Variants in SOX6 observed in about 807,000 individuals in gnomAD.
SOX6 encodes the protein SRY-box transcription factor 6.
Under a neutral mutation model 97.8 loss-of-function variants are expected in SOX6, and 11 were observed. That is an observed-to-expected ratio of 0.11 (90% CI 0.07 to 0.19). The LOEUF is 0.19. SOX6 is among the 10% of genes least tolerant of loss of function. The pLI, the probability that SOX6 is intolerant of heterozygous loss-of-function variation, is 1.00. For synonymous variants in SOX6, 360 were observed against 371.4 expected (o/e 0.97, Z 0.35); for missense variants, 810 against 1,039.5 (o/e 0.78, Z 3.04).
intron 3 of SOX6, among the ~76,000 whole-genome samples, chr11:16,669,968 G>A (rs1340091075): frequency 6.6e-6 from 1 of 151,980 alleles, no homozygotes; most frequent in Non-Finnish European, 1.5e-5. Flanking sequence ...AGGAACAAAG[G>A]GCTGAGTCAT....
At chr11:16,280,925 TA>T (rs775642448) in intron 3 of SOX6, among the ~76,000 whole-genome samples, 124 of 152,204 alleles carry the variant, frequency 8.1e-4, no homozygotes, top group Non-Finnish European at 1.4e-3. Context: ...TACATATTGA[TA>T]GAAACCAAAT....
At chr11:16,593,862 A>G (rs1024259309) in intron 4 of SOX6, among the ~76,000 whole-genome samples, 2 of 152,200 alleles carry the variant, frequency 1.3e-5, no homozygotes, top group Non-Finnish European at 2.9e-5. Flanking sequence ...CAAAAGCCCA[A>G]GCTCTTAACA....
At position 16,328,219 on chromosome 11, in the gene SOX6, T is replaced by A. The variant is rs374371230; in HGVS notation, c.238-9566A>T. ...GCCCAAACCCTAAAATAGGTCCAAA[T>A]ATAACACTCTCTTCCTAAGACGTTC... On this transcript the variant is annotated intron_variant, in intron 2 of 15. Coordinates refer to ENST00000683767, the MANE Select transcript of SOX6 (RefSeq NM_001367873.1). 2.4e-4 allele frequency among the ~76,000 whole-genome samples: 37 copies of A among 152,236 alleles called. No individual in the cohort carries two copies. In the South Asian group the frequency reaches 7.5e-3, roughly 31 times the overall value.
intron 3 of SOX6, among the ~76,000 whole-genome samples, chr11:16,656,183 T>C (rs1393146824): frequency 6.6e-6 from 1 of 152,098 alleles, no homozygotes; most frequent in Admixed American, 6.5e-5. Context: ...GGTTCAGCAA[T>C]TCTCCTGCCT....
At chr11:16,098,313 C>G (rs908042596) in intron 7 of SOX6, among the ~76,000 whole-genome samples, 3 of 151,746 alleles carry the variant, frequency 2.0e-5, no homozygotes, top group African/African-American at 7.3e-5. Context: ...GATCCTAGTA[C>G]AGAATCATGC....
chr11:16,588,868 T>A (rs569295838), intron 4 of SOX6, among the ~76,000 whole-genome samples: 1 of 152,128 alleles, frequency 6.6e-6, no homozygotes, highest in South Asian at 2.1e-4. Context: ...GTCTCTTTTT[T>A]AAAAATTAAA....
At chr11:16,547,751 T>A (rs968247313) in intron 4 of SOX6, among the ~76,000 whole-genome samples, 17 of 152,134 alleles carry the variant, frequency 1.1e-4, no homozygotes, top group African/African-American at 4.1e-4. Flanking sequence ...CAACAATGTA[T>A]TGTTTATGTC....
At chr11:16,518,343 C>G (rs1341990688) in intron 4 of SOX6, among the ~76,000 whole-genome samples, 1 of 152,192 alleles carries the variant, frequency 6.6e-6, no homozygotes, top group Non-Finnish European at 1.5e-5. Context: ...AATGCTACTT[C>G]CTCCACGAAG....
At chr11:16,587,825 A>G (rs1460131816) in intron 4 of SOX6, among the ~76,000 whole-genome samples, 1 of 152,190 alleles carries the variant, frequency 6.6e-6, no homozygotes, top group Non-Finnish European at 1.5e-5. Context: ...GACAGAAACC[A>G]TACTCAAAAA....
At chr11:16,585,680 A>ATTTT (rs1491374591) in intron 4 of SOX6, among the ~76,000 whole-genome samples, 2 of 91,032 alleles carry the variant, frequency 2.2e-5, no homozygotes, top group Non-Finnish European at 4.5e-5. Context: ...TTTTTTTTTT[A>ATTTT]CTTTTTTTTT....
intron 4 of SOX6, among the ~76,000 whole-genome samples, chr11:16,232,667 T>G (rs1286118363): frequency 6.6e-6 from 1 of 152,074 alleles, no homozygotes. Context: ...AAAATGTTAG[T>G]TTTCACATTA....
intron 6 of SOX6, among the ~76,000 whole-genome samples, chr11:16,170,898 C>A (rs1320828184): frequency 6.6e-6 from 1 of 151,934 alleles, no homozygotes; most frequent in Non-Finnish European, 1.5e-5. Context: ...ATTTCTCCCC[C>A]TACGGAAAAA....
upstream of SOX6, among the ~76,000 whole-genome samples, chr11:16,360,051 T>C (rs1408482663): frequency 1.3e-5 from 2 of 152,218 alleles, no homozygotes; most frequent in Admixed American, 1.3e-4. Context: ...ATACTTCTAA[T>C]GATATCAGTT....
intron 4 of SOX6, among the ~76,000 whole-genome samples, chr11:16,604,463 C>T (rs1269137661): frequency 6.6e-6 from 1 of 152,212 alleles, no homozygotes. Flanking sequence ...CTCATCTCTA[C>T]TCCCCCGGGT....
chr11:16,053,998 AT>A (rs373074013), intron 10 of SOX6, among the ~76,000 whole-genome samples: 1 of 152,284 alleles, frequency 6.6e-6, no homozygotes, highest in African/African-American at 2.4e-5. Context: ...TAAAAGAAAT[AT>A]TTCCTTTGTT....
In SOX6 at chr11:16,550,167, G is replaced by A. The variant is rs184255967; in HGVS notation, n.609+61914C>T. 1.4e-4 allele frequency among the ~76,000 whole-genome samples: 22 copies of A among 152,202 alleles called. No homozygotes were observed. The East Asian group carries it at 4.2e-3, about 29-fold the overall frequency. On this transcript the variant is annotated intron_variant and non_coding_transcript_variant, in intron 4 of 5. Transcript: ENST00000524520. ...AAGGATGAGTCCATGTCCTTTGCAG[G>A]GACATGGATGAAGCTGGAAACCATC... is the stretch of plus-strand genomic sequence containing the variant.
At chr11:16,146,161 C>T (rs1850287878) in intron 6 of SOX6, among the ~76,000 whole-genome samples, 1 of 152,094 alleles carries the variant, frequency 6.6e-6, no homozygotes, top group Non-Finnish European at 1.5e-5. Flanking sequence ...GAGATATAGA[C>T]CAATGGAACA....
chr11:16,514,119 G>C lies in SOX6; in HGVS notation n.610-37731C>G, dbSNP rs1380766368. 2.8e-4 allele frequency among the ~76,000 whole-genome samples: 43 copies of C among 151,494 alleles called. 2 individuals carry two copies. The highest frequency in any genetic ancestry group is 2.8e-3 in the Admixed American group (42 of 15,180). On this transcript the variant is annotated intron_variant and non_coding_transcript_variant, in intron 4 of 5. Coordinates refer to the SOX6 transcript ENST00000524520. ...TAGTTCCAGCTAGTCAGGAGGCTGA[G>C]GTGAGAGAATCGCTTCAGCCCAGAT...
Position 16,087,780 on chromosome 11 carries a change from T to C in SOX6, c.1101+8216A>G, listed in dbSNP as rs573674535. 9.8e-5 allele frequency among the ~76,000 whole-genome samples: 15 copies of C among 152,296 alleles called. No homozygotes were observed. The South Asian group carries it at 3.1e-3, about 32-fold the overall frequency. ...ATATATTCCTTTCCTTATTTTCTCT[T>C]CTCCCACTAGAAGGTAAAATTCTCA... On this transcript the variant is annotated intron_variant, in intron 9 of 15. Transcript: ENST00000683767.
Sources: allele counts gnomAD v4.1 joint callset (sites outside exome capture counted in the v4.1 genomes callset), GRCh38; gene constraint gnomAD v4.1.1; transcripts MANE v1.5; gene names NCBI Gene and HGNC (gene_info 2026-07-23, HGNC 2026-07-21).